AUTS2: variants seen among roughly 807,000 people sequenced by gnomAD.
AUTS2 encodes the protein autism susceptibility gene 2 protein.
In AUTS2, 17 loss-of-function variants were observed where a neutral mutation model predicts 112.4. The observed-to-expected ratio is 0.15, with a 90% confidence interval of 0.10 to 0.23. The LOEUF (loss-of-function observed/expected upper bound fraction) is 0.23, where lower values mean the gene tolerates loss of function less well. Among genes scored for constraint, AUTS2 ranks in the 10% least tolerant of loss-of-function variants. The pLI, the probability that AUTS2 is intolerant of heterozygous loss-of-function variation, is 1.00. For synonymous variants in AUTS2, 751 were observed against 702.7 expected, an observed-to-expected ratio of 1.07 and a Z score of -1.09; for missense variants, 1,510 against 1,701.6, an observed-to-expected ratio of 0.89 and a Z score of 1.98.
intron 1 of AUTS2, among the ~76,000 whole-genome samples, chr7:69,869,543 T>C (rs533388125): frequency 1.2e-4 from 18 of 151,674 alleles, no homozygotes; most frequent in Non-Finnish European, 1.5e-4. Context: ...TATATATATA[T>C]ACACACACAC....
chr7:69,985,397 T>G (rs577703262), intron 2 of AUTS2, among the ~76,000 whole-genome samples: 1 of 152,116 alleles, frequency 6.6e-6, no homozygotes, highest in Non-Finnish European at 1.5e-5. Flanking sequence ...AACAACGGGG[T>G]GGAGTTGCAG....
chr7:70,634,873 C>G (rs1805453303), intron 5 of AUTS2, among the ~76,000 whole-genome samples: 1 of 152,186 alleles, frequency 6.6e-6, no homozygotes, highest in Admixed American at 6.5e-5. Context: ...TGTTAGCTCT[C>G]TAGACATTCT....
chr7:70,371,819 C>T (rs984653184), intron 4 of AUTS2, among the ~76,000 whole-genome samples: 2 of 152,114 alleles, frequency 1.3e-5, no homozygotes, highest in East Asian at 1.9e-4. Flanking sequence ...GATTTGAACA[C>T]GTGCCATTTC....
chr7:69,931,836 G>A (rs766725849), intron 2 of AUTS2, among the ~76,000 whole-genome samples: 2 of 152,162 alleles, frequency 1.3e-5, no homozygotes, highest in East Asian at 1.9e-4. Context: ...AGACTACCCC[G>A]CTTGTCAGGC....
intron 2 of AUTS2, among the ~76,000 whole-genome samples, chr7:69,923,363 C>T (rs1457014020): frequency 6.6e-6 from 1 of 152,126 alleles, no homozygotes; most frequent in Non-Finnish European, 1.5e-5. Context: ...TATGCCTATA[C>T]TATACTGTCT....
chr7:70,520,627 C>G (rs1345712163), intron 5 of AUTS2, among the ~76,000 whole-genome samples: 2 of 152,136 alleles, frequency 1.3e-5, no homozygotes, highest in African/African-American at 4.8e-5. Flanking sequence ...TAAAAATTTC[C>G]TTCGCAGTAC....
chr7:70,210,352 G>T (rs373755631), intron 4 of AUTS2, among the ~76,000 whole-genome samples: 1 of 152,202 alleles, frequency 6.6e-6, no homozygotes, highest in South Asian at 2.1e-4. Flanking sequence ...AAAGGATAAT[G>T]AATCTTTATT....
chr7:70,052,231 C>T (rs866657165), intron 2 of AUTS2, among the ~76,000 whole-genome samples: 64 of 152,196 alleles, frequency 4.2e-4, no homozygotes, highest in African/African-American at 1.4e-3. Context: ...CAGTGGCAGA[C>T]AGAGTATAAT....
chr7:69,962,849 C>T (rs973726947), intron 2 of AUTS2, among the ~76,000 whole-genome samples: 1 of 152,008 alleles, frequency 6.6e-6, no homozygotes, highest in African/African-American at 2.4e-5. Flanking sequence ...GGAAGACGTA[C>T]GGTTTTTGAC....
At chr7:70,400,711 A>G (rs1425152299) in intron 4 of AUTS2, among the ~76,000 whole-genome samples, 1 of 152,160 alleles carries the variant, frequency 6.6e-6, no homozygotes, top group African/African-American at 2.4e-5. Context: ...TTTCTTTTTA[A>G]GGGAACGCCA....
intron 7 of AUTS2, 108 bp from the exon 8 acceptor site, chr7:70,764,644 G>A: frequency 1.5e-6 from 1 of 654,046 alleles, no homozygotes; most frequent in Non-Finnish European, 2.8e-6. Flanking sequence ...GAAGGGGCAA[G>A]AGAGACTGTG....
intron 4 of AUTS2, among the ~76,000 whole-genome samples, chr7:70,370,401 T>C (rs1585068097): frequency 6.6e-6 from 1 of 152,214 alleles, no homozygotes; most frequent in Non-Finnish European, 1.5e-5. Flanking sequence ...TTGCCTATTC[T>C]GGGCATTTCA....
At chr7:70,257,899 C>G (rs1024916118) in intron 4 of AUTS2, among the ~76,000 whole-genome samples, 1 of 152,148 alleles carries the variant, frequency 6.6e-6, no homozygotes, top group Non-Finnish European at 1.5e-5. Flanking sequence ...AGAGGTTTCC[C>G]ACTCATCCCC....
At chr7:70,787,130 G>GT (rs1170434030) in intron 17 of AUTS2, 79 bp from the exon 18 acceptor site, 2 of 1,389,090 alleles carry the variant, frequency 1.4e-6, no homozygotes, top group Non-Finnish European at 2.0e-6. Flanking sequence ...GCTGTTAAAA[G>GT]TTTTTTGGTA....
At chr7:70,049,751 C>A (rs1282970681) in intron 2 of AUTS2, among the ~76,000 whole-genome samples, 1 of 152,042 alleles carries the variant, frequency 6.6e-6, no homozygotes, top group Non-Finnish European at 1.5e-5. Flanking sequence ...TATCTGTAAT[C>A]CCAGCACTTT....
intron 5 of AUTS2, among the ~76,000 whole-genome samples, chr7:70,679,282 G>A (rs1441421451): frequency 2.0e-5 from 3 of 152,158 alleles, no homozygotes; most frequent in Admixed American, 2.0e-4. Flanking sequence ...TAAATACACG[G>A]GAAAGGAATC....
At chr7:70,063,438 T>G (rs1216215481) in intron 2 of AUTS2, among the ~76,000 whole-genome samples, 1 of 152,156 alleles carries the variant, frequency 6.6e-6, no homozygotes, top group Non-Finnish European at 1.5e-5. Flanking sequence ...CCCAAGCAAG[T>G]TTAGAATCCC....
At chr7:70,584,566 C>A (rs1194182908) in intron 5 of AUTS2, among the ~76,000 whole-genome samples, 1 of 152,164 alleles carries the variant, frequency 6.6e-6, no homozygotes, top group African/African-American at 2.4e-5. Context: ...AATACAGAGC[C>A]AGAATAAAGA....
intron 1 of AUTS2, among the ~76,000 whole-genome samples, chr7:69,728,363 G>A (rs575777094): frequency 6.6e-6 from 1 of 152,340 alleles, no homozygotes; most frequent in East Asian, 1.9e-4. Flanking sequence ...AGTAGAGCGT[G>A]TAAATGTACT....
Sources: gnomAD v4.1 joint callset for allele counts (sites outside exome capture counted in the v4.1 genomes callset) on GRCh38, gnomAD v4.1.1 for gene constraint, MANE v1.5 for transcripts, NCBI Gene and HGNC (gene_info 2026-07-23, HGNC 2026-07-21) for gene names.